ZNF658: variants seen among roughly 807,000 people sequenced by gnomAD.
ZNF658 encodes zinc finger protein 658.
Under a neutral mutation model 78.0 loss-of-function variants are expected in ZNF658, and 46 were observed. That is an observed-to-expected ratio of 0.59 (90% CI 0.47 to 0.75). ZNF658 has a LOEUF of 0.75. Ranked by LOEUF, ZNF658 falls within the 30% of genes least tolerant of loss-of-function variation. The pLI is 0.00. For missense variants in ZNF658, 785 were observed against 1,189.3 expected, an observed-to-expected ratio of 0.66 and a Z score of 5.00; for synonymous variants, 279 against 408.4, an observed-to-expected ratio of 0.68 and a Z score of 3.82.
intron 6 of ZNF658, among the ~76,000 whole-genome samples, chr9:66,927,666 T>C (rs1822598817): frequency 6.6e-6 from 1 of 152,000 alleles, no homozygotes; most frequent in African/African-American, 2.4e-5. Context: ...GGAAATACTA[T>C]TCAGCATTAA....
In ZNF658 at chr9:66,920,376, C is replaced by G. The variant is rs1287066112; in HGVS notation, c.2810C>G (p.Pro937Arg). 5 of 1,613,010 alleles carry G rather than the reference C, an allele frequency of 3.1e-6. No homozygotes were observed. Among genetic ancestry groups the G allele is most frequent in the Non-Finnish European group, 4.2e-6 (5 of 1,179,874 alleles). Residue 937 changes from proline (P) to arginine (R), a missense_variant, in exon 5 of 5, where the codon CCC becomes CGC. Physicochemically the swap from Pro to Arg is moderately radical, Grantham distance 103. Around this residue, in one of 12 missense-constraint regions of ZNF658, gnomAD observed 85 missense variants for 108.6 expected, o/e 0.78. Transcript: ENST00000621410. ...CAGAGAGTTCATACGGGGGAGAAAC[C>G]CTACGAATGTAATGTATGTGGGAAG... Reference protein sequence around the residue: ...AHQRVHTGEKPYECNVCGKPF... With the variant: ...AHQRVHTGEKRYECNVCGKPF...
intron 6 of ZNF658, among the ~76,000 whole-genome samples, chr9:66,930,762 CTATAAG>C (rs968465992): frequency 9.2e-5 from 14 of 151,494 alleles, no homozygotes; most frequent in Admixed American, 2.6e-4. Context: ...TTTTCTTAAC[CTATAAG>C]AGCAATATCT....
At chr9:66,924,610 TA>T (rs1159541866), downstream of ZNF658, among the ~76,000 whole-genome samples, 4 of 120,814 alleles carry the variant, frequency 3.3e-5, no homozygotes, top group East Asian at 8.9e-4. Flanking sequence ...ATATTAAATG[TA>T]AATGGTTTAA....
chr9:66,905,268 G>T (rs1411173433), intron 2 of ZNF658, among the ~76,000 whole-genome samples: 2 of 149,648 alleles, frequency 1.3e-5, no homozygotes, highest in Non-Finnish European at 3.0e-5. Flanking sequence ...TAGAGATGGG[G>T]TTTTACCATG....
intron 6 of ZNF658, among the ~76,000 whole-genome samples, chr9:66,927,175 A>G (rs1822593827): frequency 6.6e-6 from 1 of 152,036 alleles, no homozygotes; most frequent in South Asian, 2.1e-4. Flanking sequence ...GATAAAACTA[A>G]CAATCTGATT....
At chr9:66,909,773 G>A (rs1822170098) in intron 4 of ZNF658, among the ~76,000 whole-genome samples, 1 of 152,188 alleles carries the variant, frequency 6.6e-6, no homozygotes, top group Non-Finnish European at 1.5e-5. Context: ...GATGTGAAGT[G>A]ATATCTCACT....
At chr9:66,901,668 G>C (rs1200805636) in intron 1 of ZNF658, among the ~76,000 whole-genome samples, 1 of 152,164 alleles carries the variant, frequency 6.6e-6, no homozygotes, top group East Asian at 1.9e-4. Flanking sequence ...TTTTTGGCCA[G>C]GTGCGGTGGC....
intron 4 of ZNF658, among the ~76,000 whole-genome samples, chr9:66,909,537 G>A (rs547803269): frequency 1.1e-3 from 171 of 151,054 alleles, no homozygotes; most frequent in African/African-American, 4.0e-3. Context: ...TTTATTTACA[G>A]GTTTCTGCAT....
At chr9:66,928,696 CAAA>C (rs61272144) in intron 6 of ZNF658, among the ~76,000 whole-genome samples, 2 of 129,102 alleles carry the variant, frequency 1.5e-5, no homozygotes, top group Admixed American at 7.8e-5. Context: ...ACTAAAAATA[CAAA>C]AAAAAAAAAA....
intron 4 of ZNF658, among the ~76,000 whole-genome samples, chr9:66,916,176 C>T (rs1314793890): frequency 2.0e-5 from 3 of 152,142 alleles, no homozygotes; most frequent in African/African-American, 7.2e-5. Context: ...GCGTGAGCCA[C>T]CGCGTCTGGC....
At position 66,920,417 on chromosome 9, in the gene ZNF658, T is replaced by A. The variant is rs1822490674; in HGVS notation, c.2851T>A (p.Ser951Thr). The A allele has an allele frequency of 6.2e-7, 1 of 1,609,214 alleles. No homozygotes were observed. The highest frequency in any genetic ancestry group is 1.7e-5 in the Admixed American group (1 of 59,524). ...NVCGKPFAHN[S>T]TLRVHQRIHT... ...ATGTGGGAAGCCATTTGCCCATAAT[T>A]CAACCCTCAGAGTACATCAAAGAAT... The change falls in exon 5 of 5, where the codon TCA (serine) becomes ACA (threonine). Residue 951 changes from serine (S) to threonine (T), a missense_variant. Coordinates refer to ENST00000621410, the MANE Select transcript of ZNF658 (RefSeq NM_033160.7).
intron 4 of ZNF658, 129 bp from the exon 5 acceptor site, chr9:66,917,676 G>T (rs1348806390): frequency 1.5e-6 from 1 of 680,590 alleles, no homozygotes; most frequent in Admixed American, 3.4e-5. Flanking sequence ...TCATGCCACT[G>T]CACTCCAGCC....
At chr9:66,928,643 G>A (rs1314791258) in intron 6 of ZNF658, among the ~76,000 whole-genome samples, 12 of 151,180 alleles carry the variant, frequency 7.9e-5, no homozygotes, top group Non-Finnish European at 1.5e-4. Context: ...ACGAGGTCAG[G>A]AGATGGAGAC....
At chr9:66,922,221 G>A (rs1229860760), downstream of ZNF658, among the ~76,000 whole-genome samples, 3 of 148,952 alleles carry the variant, frequency 2.0e-5, no homozygotes, top group Non-Finnish European at 4.5e-5. Context: ...TAGGGTTGGA[G>A]TGTCCTGATT....
In ZNF658 at chr9:66,905,505, G is replaced by T. The variant is rs1822059534; in HGVS notation, c.15+1929G>T. Among the ~76,000 whole-genome samples the T allele has an allele frequency of 5.9e-5, 9 of 151,962 alleles. No individual in the cohort carries two copies. In the South Asian group the frequency reaches 1.9e-3, roughly 32 times the overall value. ...TCTGATATTGTTTTAGACCCTTTCT[G>T]TCTCTATTCTGTTAGTCTATTTGGC... is the stretch of plus-strand genomic sequence containing the variant. On this transcript the variant is annotated intron_variant, in intron 2 of 4. Transcript: ENST00000621410.
intron 4 of ZNF658, among the ~76,000 whole-genome samples, chr9:66,913,882 G>A (rs989205612): frequency 3.0e-5 from 2 of 67,434 alleles, no homozygotes; most frequent in Middle Eastern, 4.5e-3. Context: ...GAAAACAGAT[G>A]GCTGTACATT....
At chr9:66,908,904 A>G (rs1294063307) in intron 4 of ZNF658, among the ~76,000 whole-genome samples, 170 bp downstream of exon 4, 1 of 152,188 alleles carries the variant, frequency 6.6e-6, no homozygotes, top group African/African-American at 2.4e-5. Context: ...GATCAAAACT[A>G]TTCAGGGAAG....
At chr9:66,921,800 G>A (rs1025091982), downstream of ZNF658, among the ~76,000 whole-genome samples, 1 of 150,890 alleles carries the variant, frequency 6.6e-6, no homozygotes, top group Admixed American at 6.6e-5. Context: ...CGTGGGTCAG[G>A]GACCCACTTG....
rs779505220 is a variant in ZNF658, at chr9:66,920,364, C to T, written c.2798C>T (p.Thr933Met). 1.8e-5 allele frequency: 29 copies of T among 1,613,228 alleles called. No individual in the cohort carries two copies. The highest frequency in any genetic ancestry group is 1.7e-4 in the Middle Eastern group (1 of 5,980). The change falls in exon 5 of 5, where the codon ACG becomes ATG. Residue 933 changes from threonine (T) to methionine (M), a missense_variant. By Grantham distance (81) the Thr-to-Met change is moderately conservative (BLOSUM62 -1). Transcript: ENST00000621410. ...GTTAGTGCACATCAGAGAGTTCATACGGGGGAGAAACCCTACGAATGTAAT... is the reference window on the plus strand; with the variant it reads ...GTTAGTGCACATCAGAGAGTTCATATGGGGGAGAAACCCTACGAATGTAAT... Reference protein sequence around the residue: ...SYVSAHQRVHTGEKPYECNVC... With the variant: ...SYVSAHQRVHMGEKPYECNVC...
Sources: gnomAD v4.1 joint callset for allele counts (sites outside exome capture counted in the v4.1 genomes callset) on GRCh38, gnomAD v4.1.1 for gene constraint, gnomAD v4.1.1 regional missense constraint, MANE v1.5 for transcripts, NCBI Gene and HGNC (gene_info 2026-07-23, HGNC 2026-07-21) for gene names.